Variants in CADM2 observed in about 807,000 individuals in gnomAD.
The protein encoded by CADM2 is cell adhesion molecule 2.
In CADM2, 12 loss-of-function variants were observed where a neutral mutation model predicts 49.8. The observed-to-expected ratio is 0.24, with a 90% CI of 0.15 to 0.39. CADM2 has a LOEUF of 0.39. Among genes scored for constraint, CADM2 ranks in the 10% least tolerant of loss-of-function variants. The pLI is 1.00. For missense variants in CADM2, 378 were observed against 492.3 expected, an observed-to-expected ratio of 0.77 and a Z score of 2.20; for synonymous variants, 214 against 175.4, an observed-to-expected ratio of 1.22 and a Z score of -1.74.
At chr3:85,948,690 G>T (rs532904459) in intron 7 of CADM2, among the ~76,000 whole-genome samples, 60 of 150,978 alleles carry the variant, frequency 4.0e-4, no homozygotes, top group African/African-American at 1.4e-3. Flanking sequence ...ACGTATAGAA[G>T]CTTCTAAATT....
chr3:85,387,352 C>T (rs192087847), intron 1 of CADM2, among the ~76,000 whole-genome samples: 2 of 152,120 alleles, frequency 1.3e-5, no homozygotes, highest in East Asian at 1.9e-4. Context: ...AGTTATACAT[C>T]TCATTAATTC....
chr3:85,696,210 C>A (rs1241245738), intron 1 of CADM2, among the ~76,000 whole-genome samples: 1 of 151,988 alleles, frequency 6.6e-6, no homozygotes, highest in Non-Finnish European at 1.5e-5. Context: ...TCCCAATCCA[C>A]TTGTTATCTG....
intron 5 of CADM2, among the ~76,000 whole-genome samples, chr3:85,903,301 C>T (rs1716360231): frequency 1.3e-5 from 2 of 151,682 alleles, no homozygotes. Flanking sequence ...ATTACCTTTA[C>T]TGGTGCTTTT....
At chr3:85,096,229 C>A (rs1041003047) in intron 1 of CADM2, among the ~76,000 whole-genome samples, 2 of 152,042 alleles carry the variant, frequency 1.3e-5, no homozygotes, top group African/African-American at 4.8e-5. Flanking sequence ...AGTATTAGTA[C>A]AGTGAGTTAA....
At chr3:85,936,803 T>C (rs2108541341) in intron 7 of CADM2, among the ~76,000 whole-genome samples, 1 of 151,980 alleles carries the variant, frequency 6.6e-6, no homozygotes, top group South Asian at 2.1e-4. Context: ...TCATAAATTG[T>C]ATGTCATTAT....
chr3:85,288,784 G>GCC (rs60466682), intron 1 of CADM2, among the ~76,000 whole-genome samples: 6,111 of 87,856 alleles, frequency 0.07, 778 homozygotes, highest in Non-Finnish European at 0.11. Context: ...TTACCAATAT[G>GCC]CCCCCCCCCC....
intron 1 of CADM2, among the ~76,000 whole-genome samples, chr3:85,445,546 A>C: frequency 6.6e-6 from 1 of 152,128 alleles, no homozygotes; most frequent in East Asian, 1.9e-4. Flanking sequence ...GAAAAACAAT[A>C]AGAAATATGG....
intron 1 of CADM2, among the ~76,000 whole-genome samples, chr3:85,481,385 T>G (rs2039204042): frequency 6.6e-6 from 1 of 151,656 alleles, no homozygotes; most frequent in Admixed American, 6.6e-5. Flanking sequence ...GTAATTATTT[T>G]TATTCCTATT....
At chr3:85,775,841 A>T (rs1268284559) in intron 2 of CADM2, among the ~76,000 whole-genome samples, 1 of 151,934 alleles carries the variant, frequency 6.6e-6, no homozygotes, top group Non-Finnish European at 1.5e-5. Flanking sequence ...ACTCATGTCC[A>T]CATGTTATTA....
intron 1 of CADM2, among the ~76,000 whole-genome samples, chr3:85,498,133 G>A (rs960447974): frequency 6.7e-6 from 1 of 150,242 alleles, no homozygotes; most frequent in Admixed American, 6.6e-5. Flanking sequence ...CTCTCATACT[G>A]CAAAAACATT....
At chr3:85,593,567 A>G (rs369487149) in intron 1 of CADM2, among the ~76,000 whole-genome samples, 31 of 152,144 alleles carry the variant, frequency 2.0e-4, no homozygotes, top group East Asian at 1.9e-4. Context: ...TGATCTGCAA[A>G]TAGAAATGTG....
chr3:85,197,508 G>C (rs2041373074), intron 1 of CADM2, among the ~76,000 whole-genome samples: 1 of 151,894 alleles, frequency 6.6e-6, no homozygotes, highest in Non-Finnish European at 1.5e-5. Context: ...CCATTTTACA[G>C]ATGAAGAAGC....
chr3:85,306,699 G>C (rs536370590), intron 1 of CADM2, among the ~76,000 whole-genome samples: 12 of 151,754 alleles, frequency 7.9e-5, no homozygotes, highest in Admixed American at 1.3e-4. Flanking sequence ...CACACTTTGT[G>C]CCCAAGAAGC....
At chr3:85,635,596 A>G (rs927967068) in intron 1 of CADM2, among the ~76,000 whole-genome samples, 1 of 152,184 alleles carries the variant, frequency 6.6e-6, no homozygotes, top group African/African-American at 2.4e-5. Flanking sequence ...CCTTTTTACT[A>G]TTCTAGAGCT....
intron 2 of CADM2, among the ~76,000 whole-genome samples, chr3:85,761,551 A>C (rs2069382543): frequency 6.6e-6 from 1 of 151,490 alleles, no homozygotes; most frequent in Admixed American, 6.6e-5. Flanking sequence ...TAATTTTTGT[A>C]TTTTTAATAG....
At chr3:85,884,646 A>C (rs1186135919) in intron 4 of CADM2, among the ~76,000 whole-genome samples, 2 of 151,590 alleles carry the variant, frequency 1.3e-5, no homozygotes, top group Non-Finnish European at 2.9e-5. Flanking sequence ...AAGAGGAGTT[A>C]TGTTAATTTT....
rs772883435 is a variant in CADM2, at chr3:86,066,801, T to C, written c.*18T>C. 6.0e-6 allele frequency: 9 copies of C among 1,509,820 alleles called. No homozygotes were observed. Among genetic ancestry groups the C allele is most frequent in the Middle Eastern group, 1.7e-4 (1 of 5,842 alleles). The allele number at this position is 1,509,820 out of a possible 1,614,324, so 93.5% of individuals were successfully genotyped here. ...TCATTTAAGATGCAGGCCAAGATTC[T>C]GAGTTTTACTACCAGGCTGAATGCT... On this transcript the variant is annotated 3_prime_UTR_variant, in exon 10 of 10. Coordinates refer to ENST00000383699, the MANE Select transcript of CADM2 (RefSeq NM_001167675.2).
intron 1 of CADM2, among the ~76,000 whole-genome samples, chr3:85,081,394 A>G (rs1177625494): frequency 1.3e-5 from 2 of 152,184 alleles, no homozygotes; most frequent in East Asian, 3.9e-4. Flanking sequence ...CATAATATGA[A>G]GCAACGTCCT....
chr3:85,068,329 T>C (rs901286488), intron 1 of CADM2, among the ~76,000 whole-genome samples: 1 of 152,098 alleles, frequency 6.6e-6, no homozygotes, highest in South Asian at 2.1e-4. Context: ...AAATGCACAC[T>C]GATGAAACTG....
Sources: gnomAD v4.1 joint callset for allele counts (sites outside exome capture counted in the v4.1 genomes callset) on GRCh38, gnomAD v4.1.1 for gene constraint, MANE v1.5 for transcripts, NCBI Gene and HGNC (gene_info 2026-07-23, HGNC 2026-07-21) for gene names.